Variants in FHIT observed in about 807,000 individuals in gnomAD.
FHIT encodes the protein fragile histidine triad diadenosine triphosphatase, also known as bis(5'-adenosyl)-triphosphatase.
In FHIT, 19 loss-of-function variants were observed where a neutral mutation model predicts 17.9. That is an observed-to-expected ratio of 1.06 (90% CI 0.74 to 1.56). The LOEUF (loss-of-function observed/expected upper bound fraction) is 1.56, where lower values mean the gene tolerates loss of function less well. FHIT is among the 40% of genes most tolerant of loss of function. FHIT has a pLI of 0.00. For missense variants in FHIT, 248 were observed against 189.2 expected (o/e 1.31, Z -1.82); for synonymous variants, 81 against 69.7 (o/e 1.16, Z -0.81).
At chr3:61,093,683 G>A (rs1015247406) in intron 2 of FHIT, among the ~76,000 whole-genome samples, 1 of 152,200 alleles carries the variant, frequency 6.6e-6, no homozygotes, top group African/African-American at 2.4e-5. Context: ...CTCTGAGCCT[G>A]AGGATTCTCA....
At chr3:60,058,773 G>C (rs899340105) in intron 5 of FHIT, among the ~76,000 whole-genome samples, 10 of 152,204 alleles carry the variant, frequency 6.6e-5, no homozygotes, top group Admixed American at 3.3e-4. Flanking sequence ...TGTTTTCAGG[G>C]CCAAAAAAGA....
chr3:60,066,464 C>A (rs1253939650), intron 5 of FHIT, among the ~76,000 whole-genome samples: 1 of 151,984 alleles, frequency 6.6e-6, no homozygotes, highest in East Asian at 1.9e-4. Context: ...ATGTCCACAG[C>A]ATGTGTTTAG....
At chr3:59,791,619 G>C (rs1699565548) in intron 8 of FHIT, among the ~76,000 whole-genome samples, 1 of 152,140 alleles carries the variant, frequency 6.6e-6, no homozygotes, top group African/African-American at 2.4e-5. Flanking sequence ...TCTCTATGTT[G>C]CAGTCTATTG....
At chr3:60,995,508 A>C (rs770188656) in intron 3 of FHIT, among the ~76,000 whole-genome samples, 1 of 152,124 alleles carries the variant, frequency 6.6e-6, no homozygotes, top group Non-Finnish European at 1.5e-5. Flanking sequence ...CCAGCTCTTC[A>C]TGCTGTAGGA....
chr3:60,252,036 T>A (rs1288392935), intron 5 of FHIT, among the ~76,000 whole-genome samples: 2 of 152,146 alleles, frequency 1.3e-5, no homozygotes, highest in Non-Finnish European at 2.9e-5. Context: ...ATGTCATGAG[T>A]ACCGAATGTG....
chr3:61,207,925 C>T (rs564885644), intron 1 of FHIT, among the ~76,000 whole-genome samples: 19 of 152,130 alleles, frequency 1.2e-4, no homozygotes, highest in Non-Finnish European at 2.5e-4. Flanking sequence ...ACTTTTAGAT[C>T]TTTCCTGCTT....
At chr3:59,975,871 C>G (rs114772335) in intron 7 of FHIT, among the ~76,000 whole-genome samples, 22,020 of 151,940 alleles carry the variant, frequency 0.14, 1,683 homozygotes, top group South Asian at 0.22. Context: ...ATCCAACCTA[C>G]ATGACCTAGA....
intron 3 of FHIT, among the ~76,000 whole-genome samples, chr3:60,890,582 A>G (rs547254037): frequency 1.3e-5 from 2 of 152,354 alleles, no homozygotes; most frequent in South Asian, 4.1e-4. Flanking sequence ...GTAAACCTGC[A>G]TCTAAACTTG....
At chr3:60,743,291 C>T (rs1350603985) in intron 4 of FHIT, among the ~76,000 whole-genome samples, 1 of 152,152 alleles carries the variant, frequency 6.6e-6, no homozygotes, top group East Asian at 1.9e-4. Flanking sequence ...AGTCATTGAT[C>T]TAATTATTGT....
At chr3:60,454,973 A>G (rs1209581288) in intron 5 of FHIT, among the ~76,000 whole-genome samples, 2 of 152,096 alleles carry the variant, frequency 1.3e-5, no homozygotes, top group East Asian at 3.9e-4. Flanking sequence ...ATCAAACAGC[A>G]GAGCTCTGAT....
intron 5 of FHIT, among the ~76,000 whole-genome samples, chr3:60,175,204 T>C (rs1452567182): frequency 6.6e-6 from 1 of 152,198 alleles, no homozygotes; most frequent in East Asian, 1.9e-4. Flanking sequence ...AATGAAGCTT[T>C]AGAATCTAGA....
intron 8 of FHIT, among the ~76,000 whole-genome samples, chr3:59,794,424 G>T (rs1699695408): frequency 6.6e-6 from 1 of 152,106 alleles, no homozygotes; most frequent in Admixed American, 6.5e-5. Context: ...GATACCAGTG[G>T]GTTTTCCTCC....
chr3:59,794,640 G>A (rs1205108028), intron 8 of FHIT, among the ~76,000 whole-genome samples: 1 of 152,196 alleles, frequency 6.6e-6, no homozygotes, highest in African/African-American at 2.4e-5. Context: ...AGGGCACTGA[G>A]GCCCAGAGCC....
chr3:60,399,418 T>C (rs1203574539), intron 5 of FHIT, among the ~76,000 whole-genome samples: 1 of 152,152 alleles, frequency 6.6e-6, no homozygotes, highest in Non-Finnish European at 1.5e-5. Flanking sequence ...CCTGTGACAT[T>C]TGCTGTCTCC....
intron 4 of FHIT, among the ~76,000 whole-genome samples, chr3:60,700,123 T>A (rs1553701743): frequency 1.0e-5 from 1 of 97,766 alleles, no homozygotes; most frequent in Non-Finnish European, 2.2e-5. Flanking sequence ...AGAGCGAGAG[T>A]CTGTCTCAAA....
intron 4 of FHIT, among the ~76,000 whole-genome samples, chr3:60,806,376 T>C (rs1251540393): frequency 6.6e-6 from 1 of 152,230 alleles, no homozygotes; most frequent in Non-Finnish European, 1.5e-5. Context: ...TCAATTTATC[T>C]GAATCTTTTC....
intron 7 of FHIT, among the ~76,000 whole-genome samples, chr3:60,008,276 G>C (rs1338644883): frequency 6.6e-6 from 1 of 152,128 alleles, no homozygotes; most frequent in Non-Finnish European, 1.5e-5. Flanking sequence ...CAAGCCTGCA[G>C]GACATCAAAC....
intron 8 of FHIT, among the ~76,000 whole-genome samples, chr3:59,839,718 C>T (rs1701463242): frequency 6.6e-6 from 1 of 152,138 alleles, no homozygotes; most frequent in Non-Finnish European, 1.5e-5. Flanking sequence ...CTACCAAACA[C>T]TGCTCAGAGA....
intron 4 of FHIT, among the ~76,000 whole-genome samples, chr3:60,635,605 G>A (rs2039563506): frequency 1.3e-5 from 2 of 152,166 alleles, no homozygotes; most frequent in Non-Finnish European, 2.9e-5. Context: ...CTGGTAAGTT[G>A]TAGATACTCC....
Sources: allele counts gnomAD v4.1 joint callset (sites outside exome capture counted in the v4.1 genomes callset), GRCh38; gene constraint gnomAD v4.1.1; transcripts MANE v1.5; gene names NCBI Gene and HGNC (gene_info 2026-07-23, HGNC 2026-07-21).